Variants in REC114 observed in about 807,000 individuals in gnomAD.
The protein encoded by REC114 is REC114 meiotic recombination protein, also known as meiotic recombination protein REC114.
REC114 carries 27 observed loss-of-function variants against 31.3 expected under a neutral mutation model. That is an observed-to-expected ratio of 0.86 (90% confidence interval 0.64 to 1.19). REC114 has a LOEUF of 1.19. Ranked by LOEUF, REC114 falls within the 50% of genes most tolerant of loss-of-function variation. The probability of loss-of-function intolerance (pLI) is 0.00; values close to 1 mark genes in which losing one functional copy is unlikely to be tolerated. For synonymous variants in REC114, 134 were observed against 127.7 expected, an observed-to-expected ratio of 1.05 and a Z score of -0.33; for missense variants, 344 against 326.9, an observed-to-expected ratio of 1.05 and a Z score of -0.40.
chr15:73,513,265 A>G (rs1391517952), intron 2 of REC114, among the ~76,000 whole-genome samples: 1 of 151,948 alleles, frequency 6.6e-6, no homozygotes, highest in Non-Finnish European at 1.5e-5. Flanking sequence ...CATTCTTCAC[A>G]TAGTTCTTGA....
At chr15:73,461,922 C>CTTTT (rs961387922) in intron 1 of REC114, among the ~76,000 whole-genome samples, 1 of 78,212 alleles carries the variant, frequency 1.3e-5, no homozygotes. Context: ...TTTTTCTTTT[C>CTTTT]TTTTTTTTTT....
At chr15:73,464,636 C>T (rs772740392) in intron 1 of REC114, among the ~76,000 whole-genome samples, 2 of 152,096 alleles carry the variant, frequency 1.3e-5, no homozygotes, top group Non-Finnish European at 2.9e-5. Context: ...TGGCCAACTC[C>T]TTTGTGACTC....
chr15:73,514,541 CA>C (rs973984388), intron 2 of REC114, among the ~76,000 whole-genome samples: 1 of 151,506 alleles, frequency 6.6e-6, no homozygotes, highest in African/African-American at 2.4e-5. Context: ...ATTTAAGATA[CA>C]AAAAAAAGTA....
At chr15:73,460,385 G>C (rs1892974026) in intron 1 of REC114, among the ~76,000 whole-genome samples, 1 of 152,132 alleles carries the variant, frequency 6.6e-6, no homozygotes, top group Non-Finnish European at 1.5e-5. Flanking sequence ...GCAAGGCTCT[G>C]TTTAGAGATG....
chr15:73,528,150 G>A (rs1043509584), intron 2 of REC114, among the ~76,000 whole-genome samples: 2 of 152,184 alleles, frequency 1.3e-5, no homozygotes, highest in African/African-American at 4.8e-5. Flanking sequence ...AAATGAGGGT[G>A]AGCATTTATC....
chr15:73,517,104 T>C (rs1462864501), intron 2 of REC114, among the ~76,000 whole-genome samples: 1 of 152,220 alleles, frequency 6.6e-6, no homozygotes, highest in Non-Finnish European at 1.5e-5. Flanking sequence ...GGTCCTAGAA[T>C]GTCTTTATGA....
At chr15:73,530,320 A>C (rs1314250271) in intron 2 of REC114, among the ~76,000 whole-genome samples, 2 of 152,342 alleles carry the variant, frequency 1.3e-5, no homozygotes, top group South Asian at 2.1e-4. Flanking sequence ...TTGTTAGCTT[A>C]ATACCTTAAT....
At chr15:73,535,438 G>T (rs2141327168) in intron 2 of REC114, among the ~76,000 whole-genome samples, 1 of 151,948 alleles carries the variant, frequency 6.6e-6, no homozygotes, top group Non-Finnish European at 1.5e-5. Context: ...GCTTCAAAGA[G>T]AATAAAATAC....
chr15:73,549,348 G>C (rs1194928332), intron 3 of REC114, among the ~76,000 whole-genome samples: 1 of 152,212 alleles, frequency 6.6e-6, no homozygotes, highest in African/African-American at 2.4e-5. Flanking sequence ...AGAGTAGAAG[G>C]ATGGTTGCCA....
intron 2 of REC114, among the ~76,000 whole-genome samples, chr15:73,533,950 C>T (rs1305152984): frequency 6.1e-5 from 6 of 98,560 alleles, no homozygotes; most frequent in East Asian, 2.6e-4. Flanking sequence ...GGGTACATAA[C>T]GAAATGAAGG....
intron 2 of REC114, among the ~76,000 whole-genome samples, chr15:73,505,725 G>T (rs1893667237): frequency 6.6e-6 from 1 of 152,106 alleles, no homozygotes; most frequent in African/African-American, 2.4e-5. Context: ...GTAGAGACAG[G>T]ATTTCACCGT....
intron 2 of REC114, among the ~76,000 whole-genome samples, chr15:73,516,233 G>T (rs747138093): frequency 6.6e-6 from 1 of 151,940 alleles, no homozygotes; most frequent in Non-Finnish European, 1.5e-5. Context: ...TGATCTGCCC[G>T]CCTCGGCCTC....
At chr15:73,557,542 C>A (rs1477270099) in intron 5 of REC114, among the ~76,000 whole-genome samples, 1 of 151,864 alleles carries the variant, frequency 6.6e-6, no homozygotes, top group Non-Finnish European at 1.5e-5. Flanking sequence ...ATGTTTATTT[C>A]TTTTAATAAA....
chr15:73,475,490 G>A (rs1893198962), intron 2 of REC114, among the ~76,000 whole-genome samples: 1 of 152,128 alleles, frequency 6.6e-6, no homozygotes, highest in African/African-American at 2.4e-5. Flanking sequence ...ATAGGCTAAT[G>A]TGCATGTTTG....
intron 2 of REC114, among the ~76,000 whole-genome samples, chr15:73,503,540 A>G (rs1408443035): frequency 2.0e-5 from 3 of 152,200 alleles, no homozygotes; most frequent in African/African-American, 4.8e-5. Flanking sequence ...AATAAATTAT[A>G]GTTACATTAT....
chr15:73,474,679 G>C (rs762486898), intron 2 of REC114, among the ~76,000 whole-genome samples: 4 of 152,158 alleles, frequency 2.6e-5, no homozygotes, highest in Non-Finnish European at 5.9e-5. Flanking sequence ...GGGGATGCTA[G>C]GGATATAGCA....
At chr15:73,514,965 T>TCTGTTGCC (rs1197191176) in intron 2 of REC114, among the ~76,000 whole-genome samples, 1 of 148,488 alleles carries the variant, frequency 6.7e-6, no homozygotes, top group Non-Finnish European at 1.5e-5. Flanking sequence ...AAGGTCTCAC[T>TCTGTTGCC]CTGTTGCCCT....
At chr15:73,482,617 TTC>T (rs1369381187) in intron 2 of REC114, among the ~76,000 whole-genome samples, 1 of 152,248 alleles carries the variant, frequency 6.6e-6, no homozygotes, top group African/African-American at 2.4e-5. Context: ...TTTGGACTGT[TTC>T]ACTTAGCATA....
chr15:73,473,995 C>A, intron 2 of REC114, 74 bp downstream of exon 2: 1 of 940,258 alleles, frequency 1.1e-6, no homozygotes, highest in Non-Finnish European at 1.6e-6. Context: ...TTTTTGTATC[C>A]TCAAGCTTCT....
Sources: allele counts gnomAD v4.1 joint callset (sites outside exome capture counted in the v4.1 genomes callset), GRCh38; gene constraint gnomAD v4.1.1; transcripts MANE v1.5; gene names NCBI Gene and HGNC (gene_info 2026-07-23, HGNC 2026-07-21).